The following TRIM46 variants were observed in gnomAD, a reference collection of about 807,000 sequenced individuals.
The protein encoded by TRIM46 is tripartite motif containing 46.
In TRIM46, 17 loss-of-function variants were observed where a neutral mutation model predicts 69.7. That is an observed-to-expected ratio of 0.24 (90% confidence interval 0.17 to 0.37). The LOEUF is 0.37. Ranked by LOEUF, TRIM46 falls within the 10% of genes least tolerant of loss-of-function variation. TRIM46 has a pLI of 1.00. For synonymous variants in TRIM46, 391 were observed against 429.0 expected (o/e 0.91, Z 1.09); for missense variants, 675 against 1,025.1 (o/e 0.66, Z 4.66).
At chr1:155,174,138 G>C (rs1665410827) in intron 1 of TRIM46, 109 bp downstream of exon 1, 1 of 1,256,826 alleles carries the variant, frequency 8.0e-7, no homozygotes, top group African/African-American at 1.5e-5. Flanking sequence ...GTAGACAGGG[G>C]GCTAGCGATG....
At position 155,184,206 on chromosome 1, in the gene TRIM46, C is replaced by A; in HGVS notation, c.*16C>A. The A allele has an allele frequency of 6.3e-7, 1 of 1,581,954 alleles. No individual in the cohort carries two copies. The highest frequency in any genetic ancestry group is 8.6e-7 in the Non-Finnish European group (1 of 1,163,708). On this transcript the variant is annotated 3_prime_UTR_variant, in exon 10 of 10. Coordinates refer to ENST00000334634, the MANE Select transcript of TRIM46 (RefSeq NM_025058.5). This position sits in a 1 kb window ranked among gnomAD's most constrained non-coding sequence, Gnocchi z 5.6. ...GCTGGACTGAGCCTTCCAGGCCCCT[C>A]ATGCAGACCTGGGGTCCTCCTGGGC...
intron 1 of TRIM46, chr1:155,174,440 A>AC: frequency 1.1e-6 from 1 of 931,104 alleles, no homozygotes; most frequent in Non-Finnish European, 1.3e-6. Context: ...CCCAATTTGG[A>AC]CCCCTCCCCA....
Position 155,175,770 on chromosome 1 carries a change from G to T in TRIM46, c.326-118G>T. ...TCTGGGGGGTGGAGATACTGCTTAC[G>T]CAGGCTCTAATGAGAGCTGAGCTCT... On this transcript the variant is annotated intron_variant, in intron 2 of 9. Transcript: ENST00000334634. The surrounding 1 kb of genome is among the most constrained non-coding windows in gnomAD (Gnocchi z 4.2). 1 of 1,582,174 alleles carries T rather than the reference G, an allele frequency of 6.3e-7. No individual in the cohort carries two copies. Among genetic ancestry groups the T allele is most frequent in the South Asian group, 1.1e-5 (1 of 90,072 alleles).
chr1:155,174,764 A>G, intron 1 of TRIM46: 2 of 1,418,550 alleles, frequency 1.4e-6, no homozygotes, highest in Non-Finnish European at 1.8e-6. Context: ...AGTTCGGAGA[A>G]GGGGGTGCCG....
intron 1 of TRIM46, among the ~76,000 whole-genome samples, chr1:155,174,338 G>T (rs1665432144): frequency 6.6e-6 from 1 of 152,176 alleles, no homozygotes; most frequent in South Asian, 2.1e-4. Context: ...GAAAGGCCCT[G>T]TTATGAGAAG....
chr1:155,174,748 C>T, intron 1 of TRIM46: 2 of 1,459,386 alleles, frequency 1.4e-6, no homozygotes, highest in Non-Finnish European at 1.8e-6. Context: ...TCTTGATTCC[C>T]CCGCTAGTTC....
intron 1 of TRIM46, 111 bp downstream of exon 1, chr1:155,174,140 C>A: frequency 2.4e-6 from 3 of 1,250,358 alleles, no homozygotes; most frequent in African/African-American, 1.5e-5. Flanking sequence ...AGACAGGGGG[C>A]TAGCGATGGC....
intron 1 of TRIM46, 91 bp downstream of exon 1, chr1:155,174,120 G>T: frequency 1.4e-6 from 2 of 1,416,148 alleles, no homozygotes; most frequent in Non-Finnish European, 1.9e-6. Flanking sequence ...CCAGGAAGAT[G>T]CTGGGATGTA....
chr1:155,174,508 C>G (rs1386456008), intron 1 of TRIM46: 1 of 1,440,988 alleles, frequency 6.9e-7, no homozygotes, highest in Admixed American at 2.6e-5. Context: ...GTTGTCATGG[C>G]AACCCGTGCC....
intron 9 of TRIM46, among the ~76,000 whole-genome samples, chr1:155,183,155 C>T (rs888949454): frequency 6.6e-6 from 1 of 152,012 alleles, no homozygotes; most frequent in African/African-American, 2.4e-5. Flanking sequence ...CGTGATCCGC[C>T]CACCTTGGCC....
At chr1:155,182,229 A>C (rs1557817525) in intron 9 of TRIM46, 80 bp downstream of exon 9, 3 of 1,160,030 alleles carry the variant, frequency 2.6e-6, no homozygotes, top group Non-Finnish European at 3.7e-6. Flanking sequence ...AGTGGAGCAC[A>C]GACTTGCTAG....
In TRIM46 at chr1:155,177,347, G is replaced by C. The variant is rs1053870795; in HGVS notation, c.909+57G>C. ...CCTGCCTGGGAGTAGGGGCAGGAAG[G>C]GGGTGTGGGTGATCATGACCCAATC... On this transcript the variant is annotated intron_variant, in intron 5 of 9. Transcript: ENST00000334634. 122 of 1,444,892 alleles carry C rather than the reference G, an allele frequency of 8.4e-5. 1 individual carries two copies. The highest frequency in any genetic ancestry group is 1.1e-4 in the Non-Finnish European group (113 of 1,026,798). 89.5% of individuals were successfully genotyped at this position (1,444,892 alleles called of 1,614,324 possible).
rs1666194594 is a variant in TRIM46, at chr1:155,181,829, C to T, written c.1589-23C>T. On this transcript the variant is annotated intron_variant, in intron 8 of 9. Transcript: ENST00000334634. The surrounding 1 kb of genome is among the most constrained non-coding windows in gnomAD (Gnocchi z 4.3). Reference sequence around the variant, plus strand: ...TTTGTCCCTGAAGTTCTTGCTCCATCTCAACCCTCTCCCTCCTTCCAGTCC... The same window carrying T: ...TTTGTCCCTGAAGTTCTTGCTCCATTTCAACCCTCTCCCTCCTTCCAGTCC... The T allele has an allele frequency of 6.3e-7, 1 of 1,595,480 alleles. No homozygotes were observed. The highest frequency in any genetic ancestry group is 1.3e-5 in the African/African-American group (1 of 74,676).
intron 7 of TRIM46, 126 bp downstream of exon 7, chr1:155,178,739 T>TGGGGGCCCCCCCCCCCCCCC: frequency 1.5e-6 from 2 of 1,348,470 alleles, no homozygotes; most frequent in Non-Finnish European, 2.0e-6. Context: ...CAGCCATTCC[T>TGGGGGCCCCCCCCCCCCCCC]CCCACCCAGC....
In TRIM46 at chr1:155,182,034, C is replaced by T. The variant is rs750970043; in HGVS notation, c.1771C>T (p.Arg591Cys). ...GGGCGACGTGGCTGTGACCCAGGGCCGCAGCTACTGGGCCTGCGCCGTAGA... is the reference window on the plus strand; with the variant it reads ...GGGCGACGTGGCTGTGACCCAGGGCTGCAGCTACTGGGCCTGCGCCGTAGA... ...VLGDVAVTQG[R>C]SYWACAVDPA... is the part of the protein sequence containing the mutation. Residue 591 changes from arginine (R) to cysteine (C), a missense_variant, in exon 9 of 10, where the codon CGC becomes TGC. Coordinates refer to ENST00000334634, the MANE Select transcript of TRIM46 (RefSeq NM_025058.5). 19 of 1,613,498 alleles carry T rather than the reference C, an allele frequency of 1.2e-5. No homozygotes were observed. The highest frequency in any genetic ancestry group is 1.7e-5 in the Admixed American group (1 of 59,946).
chr1:155,177,742 G>A (rs1417234856), intron 5 of TRIM46, among the ~76,000 whole-genome samples: 5 of 152,160 alleles, frequency 3.3e-5, no homozygotes, highest in African/African-American at 7.2e-5. Flanking sequence ...CCATGGCCTC[G>A]TTCATTTGGA....
chr1:155,181,339 T>C lies in TRIM46; in HGVS notation c.1589-513T>C, dbSNP rs1390376220. ...GATCAATGGGAGTCTGAGTACAGTGTCCGGCTCATGGTTAGGGCTCAAGAA... is the reference window on the plus strand; with the variant it reads ...GATCAATGGGAGTCTGAGTACAGTGCCCGGCTCATGGTTAGGGCTCAAGAA... On this transcript the variant is annotated intron_variant, in intron 8 of 9. Transcript: ENST00000334634. The surrounding 1 kb of genome is among the most constrained non-coding windows in gnomAD (Gnocchi z 4.3). Among the ~76,000 whole-genome samples, 2 of 152,212 alleles carry C rather than the reference T, an allele frequency of 1.3e-5. No homozygotes were observed. Among genetic ancestry groups the C allele is most frequent in the Non-Finnish European group, 1.5e-5 (1 of 68,048 alleles).
intron 9 of TRIM46, chr1:155,182,400 A>G (rs946269335): frequency 1.7e-6 from 1 of 578,510 alleles, no homozygotes; most frequent in Admixed American, 3.1e-5. Flanking sequence ...AGAGGGAGCC[A>G]TCTCTGCTTC....
At position 155,179,749 on chromosome 1, in the gene TRIM46, G is replaced by T; in HGVS notation, c.1403G>T (p.Arg468Leu). ...PAWHYTVEFR[R>L]TDVPAQPGPT... ...TGGCACTATACCGTTGAGTTCCGGC[G>T]CACGGATGTGCCTGCTCAGCCAGGC... Residue 468 changes from arginine (R) to leucine (L), a missense_variant, in exon 8 of 10, where the codon CGC (arginine) becomes CTC (leucine). Arg to Leu is a moderately radical substitution (Grantham distance 102, BLOSUM62 -2). Transcript: ENST00000334634. The T allele has an allele frequency of 6.2e-7, 1 of 1,613,222 alleles. No individual in the cohort carries two copies. The highest frequency in any genetic ancestry group is 8.5e-7 in the Non-Finnish European group (1 of 1,179,966).
Sources: allele counts gnomAD v4.1 joint callset (sites outside exome capture counted in the v4.1 genomes callset), GRCh38; gene constraint gnomAD v4.1.1; non-coding constraint Gnocchi (gnomAD v3.1); transcripts MANE v1.5; gene names NCBI Gene and HGNC (gene_info 2026-07-23, HGNC 2026-07-21).